The following GRID2 variants were observed in gnomAD, a reference collection of about 807,000 sequenced individuals.
GRID2 encodes glutamate ionotropic receptor delta type subunit 2.
Under a neutral mutation model 114.8 loss-of-function variants are expected in GRID2, and 33 were observed. That is an observed-to-expected ratio of 0.29 (90% confidence interval 0.22 to 0.38). The LOEUF (loss-of-function observed/expected upper bound fraction) is 0.38. Among genes scored for constraint, GRID2 ranks in the 10% least tolerant of loss-of-function variants. GRID2 has a pLI of 1.00. For synonymous variants in GRID2, 505 were observed against 449.9 expected (o/e 1.12, Z -1.55); for missense variants, 1,184 against 1,257.7 (o/e 0.94, Z 0.89).
intron 11 of GRID2, among the ~76,000 whole-genome samples, chr4:93,462,852 A>C (rs745725975): frequency 2.6e-4 from 39 of 152,300 alleles, no homozygotes; most frequent in Non-Finnish European, 4.3e-4. Flanking sequence ...TTCACATTCA[A>C]TTTGAATATA....
intron 2 of GRID2, among the ~76,000 whole-genome samples, chr4:92,623,926 AACACACATAT>A (rs1560495735): frequency 6.6e-6 from 1 of 151,822 alleles, no homozygotes; most frequent in African/African-American, 2.4e-5. Context: ...CCCTACACCT[AACACACATAT>A]ACACACAATG....
Position 93,384,208 on chromosome 4 carries a change from G to C in GRID2, c.1246-11399G>C, listed in dbSNP as rs139193613. Among the ~76,000 whole-genome samples, 84 of 152,190 alleles carry C rather than the reference G, an allele frequency of 5.5e-4. 1 individual carries two copies. The East Asian group carries it at 0.012, about 21-fold the overall frequency. The stretch of plus-strand genomic sequence containing the variant: ...TCCTATTCATGAGGGAAGAACCCTC[G>C]TGAATTAATCACCTTCTTAAATCTT... On this transcript the variant is annotated intron_variant, in intron 8 of 15. Transcript: ENST00000282020.
chr4:92,967,650 C>G (rs768411773), intron 2 of GRID2, among the ~76,000 whole-genome samples: 37 of 151,982 alleles, frequency 2.4e-4, no homozygotes, highest in Middle Eastern at 6.8e-3. Context: ...AATTCAAATT[C>G]AACTGTGATG....
Position 93,031,053 on chromosome 4 carries a change from T to C in GRID2, c.245-53942T>C, listed in dbSNP as rs982026793. Among the ~76,000 whole-genome samples, 10 of 103,628 alleles carry C rather than the reference T, an allele frequency of 9.6e-5. No homozygotes were observed. The South Asian group carries it at 3.2e-3, about 33-fold the overall frequency. 68.0% of individuals were successfully genotyped at this position (103,628 alleles called of 152,430 possible). On this transcript the variant is annotated intron_variant, in intron 2 of 15. Transcript: ENST00000282020. The stretch of plus-strand genomic sequence containing the variant: ...CTCCATTTTTTTTTTTTTTTTTTTT[T>C]TGACATGGAGTCTCGCTCTGTCGCC...
chr4:93,511,779 C>CTTTTTTT (rs1157223214), intron 12 of GRID2, among the ~76,000 whole-genome samples: 2 of 137,484 alleles, frequency 1.5e-5, no homozygotes, highest in Non-Finnish European at 1.6e-5. Context: ...ATTCCTTCTT[C>CTTTTTTT]TTTTTTTTTT....
At chr4:92,713,646 G>A (rs1251589439) in intron 2 of GRID2, among the ~76,000 whole-genome samples, 3 of 151,440 alleles carry the variant, frequency 2.0e-5, no homozygotes, top group South Asian at 2.1e-4. Flanking sequence ...AGCTCCATGT[G>A]GCTGGGGAGG....
chr4:92,437,241 G>A (rs1732778652), intron 1 of GRID2, among the ~76,000 whole-genome samples: 1 of 151,778 alleles, frequency 6.6e-6, no homozygotes, highest in Admixed American at 6.6e-5. Context: ...CGAATGATTG[G>A]AAAAAAAATG....
intron 2 of GRID2, among the ~76,000 whole-genome samples, chr4:92,614,184 C>A (rs934672447): frequency 6.6e-6 from 1 of 151,508 alleles, no homozygotes; most frequent in African/African-American, 2.4e-5. Context: ...TCCTATCCTG[C>A]CTCCTCTCTA....
intron 14 of GRID2, among the ~76,000 whole-genome samples, chr4:93,761,372 T>A (rs1220107481): frequency 1.3e-5 from 2 of 152,124 alleles, no homozygotes; most frequent in Non-Finnish European, 2.9e-5. Flanking sequence ...TTCTCTGAGG[T>A]TTCCAAAATA....
intron 8 of GRID2, among the ~76,000 whole-genome samples, chr4:93,354,022 T>TGC (rs34467143): frequency 3.9e-4 from 59 of 150,244 alleles, no homozygotes; most frequent in African/African-American, 9.8e-4. Flanking sequence ...AGCACACACA[T>TGC]GCACACACAC....
chr4:92,368,949 A>C (rs533930646), intron 1 of GRID2, among the ~76,000 whole-genome samples: 1 of 151,922 alleles, frequency 6.6e-6, no homozygotes, highest in East Asian at 1.9e-4. Flanking sequence ...TTGTGAAAAA[A>C]AAAAAAAAAA....
At chr4:92,488,195 A>C (rs1289480863) in intron 1 of GRID2, among the ~76,000 whole-genome samples, 2 of 152,172 alleles carry the variant, frequency 1.3e-5, no homozygotes, top group Non-Finnish European at 2.9e-5. Flanking sequence ...GTTTGGTTAA[A>C]TTCTTACATT....
chr4:93,464,178 T>C (rs1465041568), intron 11 of GRID2, among the ~76,000 whole-genome samples: 1 of 152,162 alleles, frequency 6.6e-6, no homozygotes, highest in African/African-American at 2.4e-5. Flanking sequence ...AGTTAAAGTA[T>C]TGGGCTCAAG....
intron 13 of GRID2, among the ~76,000 whole-genome samples, chr4:93,585,572 G>A (rs141876097): frequency 1.3e-5 from 2 of 151,960 alleles, no homozygotes; most frequent in African/African-American, 4.8e-5. Context: ...TTCTTGTGGG[G>A]CATTGTCCTC....
chr4:92,927,739 G>T (rs1462842943), intron 2 of GRID2, among the ~76,000 whole-genome samples: 1 of 151,636 alleles, frequency 6.6e-6, no homozygotes, highest in Non-Finnish European at 1.5e-5. Flanking sequence ...CGGAAAATAA[G>T]GTTTTAATGT....
intron 8 of GRID2, among the ~76,000 whole-genome samples, chr4:93,372,406 A>G (rs1025799343): frequency 5.3e-5 from 8 of 152,098 alleles, no homozygotes; most frequent in African/African-American, 1.7e-4. Context: ...TCTTCACTCT[A>G]TTCAATTTCC....
chr4:93,253,197 A>G (rs1195707937), intron 8 of GRID2, among the ~76,000 whole-genome samples: 1 of 151,930 alleles, frequency 6.6e-6, no homozygotes, highest in East Asian at 1.9e-4. Context: ...TGGAGCTTGC[A>G]GTGAGCTGAG....
At chr4:93,288,568 T>C (rs1368727) in intron 8 of GRID2, among the ~76,000 whole-genome samples, 9 of 151,488 alleles carry the variant, frequency 5.9e-5, no homozygotes, top group Non-Finnish European at 1.2e-4. Context: ...CCAAAGAGAA[T>C]TGGCTTGCTA....
intron 4 of GRID2, among the ~76,000 whole-genome samples, chr4:93,112,622 G>A (rs1732875001): frequency 6.6e-6 from 1 of 152,110 alleles, no homozygotes; most frequent in South Asian, 2.1e-4. Flanking sequence ...CCCATCTTGG[G>A]TAGTTCATTA....
Sources: gnomAD v4.1 joint callset for allele counts (sites outside exome capture counted in the v4.1 genomes callset) on GRCh38, gnomAD v4.1.1 for gene constraint, MANE v1.5 for transcripts, NCBI Gene and HGNC (gene_info 2026-07-23, HGNC 2026-07-21) for gene names.